CDH4: variants seen among roughly 807,000 people sequenced by gnomAD.
The protein encoded by CDH4 is cadherin-4.
In CDH4, 33 loss-of-function variants were observed where a neutral mutation model predicts 86.0. The ratio of observed to expected loss-of-function variants is 0.38; its 90% CI spans 0.29 to 0.51. The LOEUF is 0.51. CDH4 is among the 20% of genes least tolerant of loss of function. The pLI is 0.86. For synonymous variants in CDH4, 555 were observed against 549.4 expected (o/e 1.01, Z -0.14); for missense variants, 1,114 against 1,307.4 (o/e 0.85, Z 2.28).
rs1250987006 is a variant in CDH4 at position 61,939,198 on chromosome 20, G to A, written c.*2255G>A. On this transcript the variant is annotated 3_prime_UTR_variant, in exon 16 of 16. Coordinates refer to ENST00000614565, the MANE Select transcript of CDH4 (RefSeq NM_001794.5). ...AAGTGTGACTATGGCCCGGGAGCCA[G>A]GGCAGCATGAACTCCTTTCTCTGAA... The A allele has an allele frequency of 6.6e-6, 1 of 152,292 alleles. No homozygotes were observed. The highest frequency in any genetic ancestry group is 1.5e-5 in the Non-Finnish European group (1 of 68,092). 9.4% of individuals were successfully genotyped at this position (152,292 alleles called of 1,614,324 possible).
chr20:61,422,133 A>G (rs919454392), intron 2 of CDH4, among the ~76,000 whole-genome samples: 3 of 152,202 alleles, frequency 2.0e-5, no homozygotes, highest in African/African-American at 7.2e-5. Context: ...CATTGTCATT[A>G]AAGACAAATC....
intron 6 of CDH4, among the ~76,000 whole-genome samples, chr20:61,867,915 A>G (rs1009667720): frequency 6.6e-6 from 1 of 152,222 alleles, no homozygotes; most frequent in Non-Finnish European, 1.5e-5. Flanking sequence ...CGGCCATCTC[A>G]GAACGTCCAG....
chr20:61,886,999 C>G (rs1600738647), intron 7 of CDH4, among the ~76,000 whole-genome samples: 1 of 152,120 alleles, frequency 6.6e-6, no homozygotes, highest in African/African-American at 2.4e-5. Flanking sequence ...AACCTCCAGC[C>G]AAGCCAGCCC....
At chr20:61,280,778 C>T (rs950679545) in intron 2 of CDH4, among the ~76,000 whole-genome samples, 1 of 152,266 alleles carries the variant, frequency 6.6e-6, no homozygotes, top group Non-Finnish European at 1.5e-5. Flanking sequence ...GCGTGTGAAG[C>T]GCCGGCCACA....
rs771824194 is a variant in CDH4 at position 61,424,138 on chromosome 20, GCACACATGTATA to G, written c.169+169209_169+169220del. Among the ~76,000 whole-genome samples the G allele has an allele frequency of 3.2e-3, 480 of 149,374 alleles. 1 individual carries two copies. Among genetic ancestry groups the G allele is most frequent in the Non-Finnish European group, 4.7e-3 (317 of 67,412 alleles). ...CATAGCACACATGTATCCACACACA[GCACACATGTATA>G]CACACATATCCACACATATGTATCC... On this transcript the variant is annotated intron_variant, in intron 2 of 15. Transcript: ENST00000614565.
intron 2 of CDH4, among the ~76,000 whole-genome samples, chr20:61,611,859 A>T (rs1244238956): frequency 6.6e-6 from 1 of 151,762 alleles, no homozygotes; most frequent in East Asian, 1.9e-4. Context: ...GGCTTCACGA[A>T]CTCCTGCCTG....
At chr20:61,272,084 G>A (rs902914585) in intron 2 of CDH4, among the ~76,000 whole-genome samples, 2 of 152,154 alleles carry the variant, frequency 1.3e-5, no homozygotes, top group African/African-American at 4.8e-5. Context: ...TTTTACAAAA[G>A]AAGCCCCAAG....
At position 61,939,523 on chromosome 20, in the gene CDH4, G is replaced by A. The variant is rs1056125112; in HGVS notation, c.*2580G>A. 2 of 152,464 alleles carry A rather than the reference G, an allele frequency of 1.3e-5. No individual in the cohort carries two copies. The highest frequency in any genetic ancestry group is 2.9e-5 in the Non-Finnish European group (2 of 68,190). The allele number at this position is 152,464 out of a possible 1,614,324, so 9.4% of individuals were successfully genotyped here. The stretch of plus-strand genomic sequence containing the variant: ...TTCCCCTCTACCCCCACCCTGGTGA[G>A]CCCCTGGGGGCCAGAGAAAGATGGG... On this transcript the variant is annotated 3_prime_UTR_variant, in exon 16 of 16. Transcript: ENST00000614565.
chr20:61,717,101 G>T (rs927889717), intron 2 of CDH4, among the ~76,000 whole-genome samples: 2 of 152,108 alleles, frequency 1.3e-5, no homozygotes, highest in African/African-American at 4.8e-5. Flanking sequence ...CCATGAGCAG[G>T]GCAGGGCGTC....
chr20:61,850,099 C>T (rs983706430), intron 5 of CDH4, among the ~76,000 whole-genome samples: 1 of 152,208 alleles, frequency 6.6e-6, no homozygotes, highest in East Asian at 1.9e-4. Context: ...CACAAGTGCT[C>T]ACTGCTGGCT....
chr20:61,860,516 G>A (rs1052598813), intron 6 of CDH4, among the ~76,000 whole-genome samples: 1 of 152,222 alleles, frequency 6.6e-6, no homozygotes, highest in Non-Finnish European at 1.5e-5. Flanking sequence ...CTTGGGTGCA[G>A]GTGATTTATG....
intron 7 of CDH4, 93 bp downstream of exon 7, chr20:61,873,993 G>T: frequency 7.4e-7 from 1 of 1,355,546 alleles, no homozygotes; most frequent in Non-Finnish European, 1.0e-6. Context: ...CAGTGGCGCC[G>T]TCGGGGAGTG....
At chr20:61,692,251 ATGTGTGTGTC>A (rs1883836493) in intron 2 of CDH4, among the ~76,000 whole-genome samples, 1 of 136,858 alleles carries the variant, frequency 7.3e-6, no homozygotes, top group East Asian at 2.2e-4. Context: ...ATGTGTGTGT[ATGTGTGTGTC>A]TGTATGTGTG....
intron 2 of CDH4, among the ~76,000 whole-genome samples, chr20:61,413,196 C>T (rs1017171275): frequency 7.0e-6 from 1 of 142,270 alleles, no homozygotes; most frequent in Admixed American, 6.9e-5. Flanking sequence ...CCCCGCCCCC[C>T]ACCCCTGGCC....
chr20:61,404,867 G>A (rs1244619686), intron 2 of CDH4, among the ~76,000 whole-genome samples: 2 of 152,024 alleles, frequency 1.3e-5, no homozygotes, highest in Non-Finnish European at 1.5e-5. Context: ...TGGCTAACAC[G>A]GTGAAACCCC....
intron 2 of CDH4, among the ~76,000 whole-genome samples, chr20:61,589,508 A>G (rs902954363): frequency 6.6e-6 from 1 of 152,202 alleles, no homozygotes; most frequent in African/African-American, 2.4e-5. Flanking sequence ...TGATGTGCCT[A>G]TCCTCACATA....
intron 2 of CDH4, among the ~76,000 whole-genome samples, chr20:61,305,822 G>A (rs372575969): frequency 6.6e-6 from 1 of 152,194 alleles, no homozygotes; most frequent in Non-Finnish European, 1.5e-5. Context: ...CAGGAGATCC[G>A]TGGGAGTTCA....
At position 61,810,702 on chromosome 20, in the gene CDH4, T is replaced by A. The variant is rs747874002; in HGVS notation, c.577-33966T>A. Among the ~76,000 whole-genome samples, 1 of 152,156 alleles carries A rather than the reference T, an allele frequency of 6.6e-6. No homozygotes were observed. The highest frequency in any genetic ancestry group is 1.5e-5 in the Non-Finnish European group (1 of 68,036). ...ATTTAATTTTGGAAAAAATCAGTAC[T>A]CTGCCGCTAGATGACGTGTAGCCGC... On this transcript the variant is annotated intron_variant, in intron 4 of 15. Transcript: ENST00000614565. The surrounding 1 kb of genome is among the most constrained non-coding windows in gnomAD (Gnocchi z 4.3).
intron 2 of CDH4, among the ~76,000 whole-genome samples, chr20:61,416,958 C>T (rs1462179496): frequency 6.6e-6 from 1 of 152,022 alleles, no homozygotes; most frequent in Non-Finnish European, 1.5e-5. Flanking sequence ...CTGCACATCT[C>T]GGGGGTTCTT....
Sources: gnomAD v4.1 joint callset for allele counts (sites outside exome capture counted in the v4.1 genomes callset) on GRCh38, gnomAD v4.1.1 for gene constraint, Gnocchi (gnomAD v3.1) non-coding constraint, MANE v1.5 for transcripts, NCBI Gene and HGNC (gene_info 2026-07-23, HGNC 2026-07-21) for gene names.